ELAVL4: variants seen among roughly 807,000 people sequenced by gnomAD.
ELAVL4 encodes ELAV like RNA binding protein 4.
In ELAVL4, 1 loss-of-function variant was observed where a neutral mutation model predicts 35.6. The ratio of observed to expected loss-of-function variants is 0.03; its 90% CI spans 0.01 to 0.13. The LOEUF is 0.13. Among genes scored for constraint, ELAVL4 ranks in the 10% least tolerant of loss-of-function variants. The pLI is 1.00. For missense variants in ELAVL4, 267 were observed against 464.9 expected (o/e 0.57, Z 3.91); for synonymous variants, 156 against 171.0 (o/e 0.91, Z 0.69).
chr1:50,105,949 A>G (rs1163390042), upstream of ELAVL4: 1 of 216,298 alleles, frequency 4.6e-6, no homozygotes, highest in Non-Finnish European at 9.1e-6. Flanking sequence ...TTAAATAATG[A>G]GGTAATATTT....
chr1:50,184,020 G>A (rs774743989), intron 3 of ELAVL4, among the ~76,000 whole-genome samples: 4 of 152,192 alleles, frequency 2.6e-5, no homozygotes, highest in Non-Finnish European at 5.9e-5. Flanking sequence ...GGAGCCAAGA[G>A]AGAGCACGTG....
intron 1 of ELAVL4, among the ~76,000 whole-genome samples, chr1:50,098,171 A>G (rs1030017840): frequency 6.6e-6 from 1 of 152,226 alleles, no homozygotes; most frequent in South Asian, 2.1e-4. Flanking sequence ...CCCACTGTCC[A>G]TTTTATGGAT....
intron 1 of ELAVL4, among the ~76,000 whole-genome samples, chr1:50,133,598 G>GAAAAGAAAGA (rs1284055239): frequency 3.6e-4 from 13 of 36,228 alleles, no homozygotes; most frequent in Non-Finnish European, 6.6e-4. Context: ...AAGAAAGAAA[G>GAAAAGAAAGA]AAAAGAAAGA....
At chr1:50,135,372 G>T (rs1671717423) in intron 1 of ELAVL4, among the ~76,000 whole-genome samples, 1 of 152,174 alleles carries the variant, frequency 6.6e-6, no homozygotes, top group African/African-American at 2.4e-5. Flanking sequence ...AAACAGGTAG[G>T]ATTAGTCTGA....
intron 2 of ELAVL4, among the ~76,000 whole-genome samples, chr1:50,146,299 CT>C (rs1200105278): frequency 6.6e-6 from 1 of 152,094 alleles, no homozygotes; most frequent in Non-Finnish European, 1.5e-5. Context: ...ATCTGTTCCC[CT>C]TATAAATTAA....
At chr1:50,128,358 T>G (rs1670297796) in intron 1 of ELAVL4, among the ~76,000 whole-genome samples, 1 of 151,952 alleles carries the variant, frequency 6.6e-6, no homozygotes, top group African/African-American at 2.4e-5. Context: ...ATAAGCGAGG[T>G]TTATGGTGAG....
intron 1 of ELAVL4, among the ~76,000 whole-genome samples, chr1:50,079,076 C>T (rs1290558379): frequency 3.3e-5 from 5 of 152,188 alleles, no homozygotes; most frequent in Non-Finnish European, 5.9e-5. Flanking sequence ...TCAGTTTCTG[C>T]AACTTTTAAT....
At chr1:50,068,408 G>A (rs112157274) in intron 1 of ELAVL4, among the ~76,000 whole-genome samples, 4 of 152,300 alleles carry the variant, frequency 2.6e-5, no homozygotes, top group African/African-American at 9.6e-5. Flanking sequence ...ACAGGACCAA[G>A]CTGGGACCAA....
intron 2 of ELAVL4, 142 bp downstream of exon 2, chr1:50,145,339 C>T (rs1448547196): frequency 1.6e-6 from 2 of 1,258,946 alleles, no homozygotes; most frequent in African/African-American, 3.0e-5. Context: ...TAAACTCACA[C>T]TACATACACC....
At chr1:50,191,991 C>A (rs1156524876) in intron 3 of ELAVL4, among the ~76,000 whole-genome samples, 2 of 152,204 alleles carry the variant, frequency 1.3e-5, no homozygotes, top group African/African-American at 4.8e-5. Flanking sequence ...TATTGACACA[C>A]TTTGTCCCTT....
At chr1:50,152,389 C>T (rs1286229153) in intron 2 of ELAVL4, among the ~76,000 whole-genome samples, 2 of 152,088 alleles carry the variant, frequency 1.3e-5, no homozygotes, top group East Asian at 1.9e-4. Context: ...TCCCTGTTCA[C>T]GCAGCCTTCT....
chr1:50,110,929 G>T (rs1223609871), intron 1 of ELAVL4, among the ~76,000 whole-genome samples: 1 of 151,998 alleles, frequency 6.6e-6, no homozygotes, highest in East Asian at 1.9e-4. Context: ...CGAGTAGGGA[G>T]CAGGTGGCTA....
At chr1:50,134,494 T>G (rs1383498137) in intron 1 of ELAVL4, among the ~76,000 whole-genome samples, 1 of 152,154 alleles carries the variant, frequency 6.6e-6, no homozygotes, top group East Asian at 1.9e-4. Flanking sequence ...CATTAAACCT[T>G]CAGAGTTCAG....
intron 1 of ELAVL4, among the ~76,000 whole-genome samples, chr1:50,115,629 C>T (rs1444075761): frequency 6.6e-6 from 1 of 151,918 alleles, no homozygotes; most frequent in African/African-American, 2.4e-5. Flanking sequence ...AATGACCCAG[C>T]GAAGATGGTG....
intron 1 of ELAVL4, among the ~76,000 whole-genome samples, chr1:50,091,874 G>C (rs1461109008): frequency 3.9e-5 from 6 of 152,188 alleles, no homozygotes; most frequent in Admixed American, 3.3e-4. Context: ...GGTGCAGAGA[G>C]ATTAAGTGGC....
chr1:50,158,375 C>T (rs982526646), intron 2 of ELAVL4, among the ~76,000 whole-genome samples: 1 of 152,066 alleles, frequency 6.6e-6, no homozygotes, highest in Non-Finnish European at 1.5e-5. Flanking sequence ...CTTCCAGGGT[C>T]GTATGCCTAG....
At chr1:50,177,066 C>T (rs760648889) in intron 2 of ELAVL4, 23 bp from the exon 3 acceptor site, 4 of 1,587,824 alleles carry the variant, frequency 2.5e-6, no homozygotes, top group Non-Finnish European at 3.5e-6. Flanking sequence ...CCCTTTCTCT[C>T]TCTCTTTTTA....
At chr1:50,073,855 C>T (rs1664641292) in intron 1 of ELAVL4, among the ~76,000 whole-genome samples, 1 of 152,174 alleles carries the variant, frequency 6.6e-6, no homozygotes, top group Non-Finnish European at 1.5e-5. Flanking sequence ...AAGTCTAACA[C>T]AGGATCCTAG....
Position 50,177,152 on chromosome 1 carries a change from A to C in ELAVL4, c.314A>C (p.Asn105Thr). Residue 105 changes from asparagine to threonine, a missense_variant, in exon 3 of 7, where the codon AAC (asparagine) becomes ACC (threonine). Physicochemically the swap from Asn to Thr is moderately conservative, Grantham distance 65. Transcript: ENST00000371824. Reference sequence around the variant, plus strand: ...CCAAAGGATGCAGAGAAAGCCATCAACACTTTAAATGGACTCAGACTCCAG... The same window carrying C: ...CCAAAGGATGCAGAGAAAGCCATCACCACTTTAAATGGACTCAGACTCCAG... Reference protein sequence around the residue: ...IDPKDAEKAINTLNGLRLQTK... With the variant: ...IDPKDAEKAITTLNGLRLQTK... 6.2e-7 allele frequency: 1 copy of C among 1,614,068 alleles called. No individual in the cohort carries two copies. Among genetic ancestry groups the C allele is most frequent in the Non-Finnish European group, 8.5e-7 (1 of 1,179,964 alleles).
Sources: allele counts gnomAD v4.1 joint callset (sites outside exome capture counted in the v4.1 genomes callset), GRCh38; gene constraint gnomAD v4.1.1; transcripts MANE v1.5; gene names NCBI Gene and HGNC (gene_info 2026-07-23, HGNC 2026-07-21).